ZNF713: variants seen among roughly 807,000 people sequenced by gnomAD.
ZNF713 encodes zinc finger protein 713.
In ZNF713, 21 loss-of-function variants were observed where a neutral mutation model predicts 28.7. That is an observed-to-expected ratio of 0.73 (90% CI 0.52 to 1.05). The LOEUF (loss-of-function observed/expected upper bound fraction) is 1.05, where lower values mean the gene tolerates loss of function less well. Among genes scored for constraint, ZNF713 ranks in the 50% least tolerant of loss-of-function variants. The pLI is 0.00. For synonymous variants in ZNF713, 167 were observed against 178.0 expected (o/e 0.94, Z 0.49); for missense variants, 458 against 532.4 (o/e 0.86, Z 1.37).
At chr7:55,908,091 A>G (rs1785716174) in intron 2 of ZNF713, among the ~76,000 whole-genome samples, 2 of 147,310 alleles carry the variant, frequency 1.4e-5, no homozygotes, top group South Asian at 4.2e-4. Flanking sequence ...CCAGCAGTGT[A>G]TACATGTTTC....
At chr7:55,890,993 C>A in intron 1 of ZNF713, among the ~76,000 whole-genome samples, 1 of 127,594 alleles carries the variant, frequency 7.8e-6, no homozygotes, top group African/African-American at 3.1e-5. Context: ...GAGACTCTGT[C>A]TCAAAAAAAA....
intron 1 of ZNF713, among the ~76,000 whole-genome samples, chr7:55,902,349 G>A (rs1055353451): frequency 8.5e-5 from 13 of 152,094 alleles, no homozygotes; most frequent in Non-Finnish European, 1.8e-4. Flanking sequence ...TTAAATCATT[G>A]GTAAGTATAC....
chr7:55,899,928 G>C (rs1785542920), intron 1 of ZNF713, among the ~76,000 whole-genome samples: 2 of 151,732 alleles, frequency 1.3e-5, no homozygotes. Context: ...ATGTATAATA[G>C]AGACAGGGCT....
intron 1 of ZNF713, among the ~76,000 whole-genome samples, chr7:55,893,044 G>A (rs573519679): frequency 9.3e-4 from 141 of 151,722 alleles, no homozygotes; most frequent in Admixed American, 2.2e-3. Context: ...CACCACGCCC[G>A]GCTAATTTTT....
chr7:55,905,490 A>G (rs1404796519), intron 1 of ZNF713, among the ~76,000 whole-genome samples: 2 of 152,122 alleles, frequency 1.3e-5, no homozygotes, highest in African/African-American at 4.8e-5. Context: ...TTCTGGAACC[A>G]GTGTAACAGA....
intron 1 of ZNF713, among the ~76,000 whole-genome samples, chr7:55,901,486 CTATAAA>C (rs748843446): frequency 6.6e-6 from 1 of 152,144 alleles, no homozygotes; most frequent in African/African-American, 2.4e-5. Context: ...ACATTGTACT[CTATAAA>C]TATATATAAT....
chr7:55,895,441 C>G (rs889724947), intron 1 of ZNF713, among the ~76,000 whole-genome samples: 35 of 120,040 alleles, frequency 2.9e-4, no homozygotes, highest in African/African-American at 8.0e-4. Flanking sequence ...CTGTTATATT[C>G]TGTTATACTC....
At chr7:55,928,507 G>T (rs1562746987) in intron 6 of ZNF713, among the ~76,000 whole-genome samples, 1 of 152,146 alleles carries the variant, frequency 6.6e-6, no homozygotes, top group Non-Finnish European at 1.5e-5. Flanking sequence ...AGTAAGGCAG[G>T]AGAGTGTTAC....
chr7:55,939,693 A>C lies in ZNF713; in HGVS notation c.1019A>C (p.Lys340Thr). The C allele has an allele frequency of 6.2e-7, 1 of 1,614,164 alleles. No individual in the cohort carries two copies. The highest frequency in any genetic ancestry group is 2.2e-5 in the East Asian group (1 of 44,880). The change falls in exon 7 of 7, where the codon AAG (lysine) becomes ACG (threonine). Residue 340 changes from lysine to threonine, a missense_variant. Physicochemically the swap from Lys to Thr is moderately conservative, Grantham distance 78. Transcript: ENST00000429591. ...TQHLRIHTGE[K>T]PYKCNQCGKA... ...CATCTGAGGATTCATACTGGAGAAA[A>C]GCCCTATAAATGTAATCAATGTGGT...
At chr7:55,904,800 C>G in intron 1 of ZNF713, among the ~76,000 whole-genome samples, 1 of 152,260 alleles carries the variant, frequency 6.6e-6, no homozygotes, top group East Asian at 1.9e-4. Context: ...GATCTCTGCT[C>G]ACTGCAATCT....
chr7:55,938,179 G>C (rs1211583283), intron 6 of ZNF713, among the ~76,000 whole-genome samples: 1 of 152,096 alleles, frequency 6.6e-6, no homozygotes, highest in Non-Finnish European at 1.5e-5. Context: ...ACTCCAGCCT[G>C]GGCGATAGAG....
intron 6 of ZNF713, among the ~76,000 whole-genome samples, chr7:55,933,080 A>G (rs1176967530): frequency 1.3e-5 from 2 of 150,658 alleles, no homozygotes. Flanking sequence ...TATTAAAAAT[A>G]CAAAAAATTA....
At chr7:55,897,070 G>A (rs1345143237) in intron 1 of ZNF713, among the ~76,000 whole-genome samples, 1 of 152,138 alleles carries the variant, frequency 6.6e-6, no homozygotes, top group East Asian at 1.9e-4. Context: ...ATGAATAGGG[G>A]ATAAGAAGCA....
intron 6 of ZNF713, among the ~76,000 whole-genome samples, chr7:55,934,219 A>G (rs1308144382): frequency 6.6e-6 from 1 of 152,166 alleles, no homozygotes; most frequent in Non-Finnish European, 1.5e-5. Context: ...TGAAAATCTA[A>G]TGAAAGTTAT....
chr7:55,909,033 TA>T (rs1212114684), intron 2 of ZNF713, among the ~76,000 whole-genome samples: 2 of 151,314 alleles, frequency 1.3e-5, no homozygotes, highest in Non-Finnish European at 2.9e-5. Flanking sequence ...CTGTCTCTAC[TA>T]AAAAATACAA....
chr7:55,940,018 G>A lies in ZNF713; in HGVS notation c.*12G>A. The A allele has an allele frequency of 6.5e-7, 1 of 1,536,980 alleles. No individual in the cohort carries two copies. The highest frequency in any genetic ancestry group is 1.3e-5 in the South Asian group (1 of 77,308). ...TTAGCAGCACATAACTTATGGTGGG[G>A]GAAATCAGATAAATATATAAATGTA... On this transcript the variant is annotated 3_prime_UTR_variant, in exon 7 of 7. Coordinates refer to ENST00000429591, the MANE Select transcript of ZNF713 (RefSeq NM_182633.3).
intron 4 of ZNF713, among the ~76,000 whole-genome samples, chr7:55,913,478 G>A (rs1785825905): frequency 6.6e-6 from 1 of 152,008 alleles, no homozygotes; most frequent in Non-Finnish European, 1.5e-5. Flanking sequence ...TGGGATTACA[G>A]GTGTGAGCCA....
At chr7:55,888,338 T>C (rs1451966468) in intron 1 of ZNF713, among the ~76,000 whole-genome samples, 4 of 152,194 alleles carry the variant, frequency 2.6e-5, no homozygotes, top group Admixed American at 6.5e-5. Flanking sequence ...AGTGACACTT[T>C]TATTACATTT....
chr7:55,897,608 A>G (rs775060946), intron 1 of ZNF713, among the ~76,000 whole-genome samples: 1 of 152,152 alleles, frequency 6.6e-6, no homozygotes, highest in Non-Finnish European at 1.5e-5. Context: ...GTAGCCTTAA[A>G]GTATCTTCCC....
Sources: gnomAD v4.1 joint callset for allele counts (sites outside exome capture counted in the v4.1 genomes callset) on GRCh38, gnomAD v4.1.1 for gene constraint, MANE v1.5 for transcripts, NCBI Gene and HGNC (gene_info 2026-07-23, HGNC 2026-07-21) for gene names.